Variants in UBE2V2 observed in about 807,000 individuals in gnomAD.
UBE2V2 encodes ubiquitin conjugating enzyme E2 V2, also known as ubiquitin-conjugating enzyme E2 variant 2.
Under a neutral mutation model 17.2 loss-of-function variants are expected in UBE2V2, and 9 were observed. That is an observed-to-expected ratio of 0.52 (90% CI 0.32 to 0.91). UBE2V2 has a LOEUF of 0.91. UBE2V2 is among the 40% of genes least tolerant of loss of function. The pLI, the probability that UBE2V2 is intolerant of heterozygous loss-of-function variation, is 0.04. For synonymous variants in UBE2V2, 61 were observed against 57.5 expected, an observed-to-expected ratio of 1.06 and a Z score of -0.28; for missense variants, 133 against 182.6, an observed-to-expected ratio of 0.73 and a Z score of 1.56.
chr8:48,030,513 G>A (rs770078523), intron 1 of UBE2V2, among the ~76,000 whole-genome samples: 91 of 152,196 alleles, frequency 6.0e-4, no homozygotes, highest in Non-Finnish European at 1.2e-3. Context: ...TTGAGCCCAG[G>A]AGTTCGAGAC....
intron 1 of UBE2V2, among the ~76,000 whole-genome samples, chr8:48,015,677 C>G (rs1313926882): frequency 6.6e-6 from 1 of 152,074 alleles, no homozygotes; most frequent in Non-Finnish European, 1.5e-5. Flanking sequence ...CTCTGGTAAC[C>G]ACCATCTCCT....
chr8:47,998,912 G>A, the UBE2V2 span, among the ~76,000 whole-genome samples: 1 of 152,160 alleles, frequency 6.6e-6, no homozygotes, highest in Non-Finnish European at 1.5e-5. Context: ...AAAGTAGCTT[G>A]AGGGAGTTCT....
At chr8:48,016,711 A>T (rs1037625285) in intron 1 of UBE2V2, among the ~76,000 whole-genome samples, 4 of 148,424 alleles carry the variant, frequency 2.7e-5, no homozygotes, top group African/African-American at 1.0e-4. Flanking sequence ...CGAACTCCCA[A>T]CCTCAGGTGA....
chr8:48,042,275 AAC>A (rs2091468447), intron 1 of UBE2V2: 1 of 152,190 alleles, frequency 6.6e-6, no homozygotes, highest in African/African-American at 2.4e-5. Context: ...AAATCTCACA[AAC>A]ACATTAAAAA....
chr8:48,008,548 G>T (rs2154506518), intron 1 of UBE2V2, 78 bp downstream of exon 1: 2 of 1,498,482 alleles, frequency 1.3e-6, no homozygotes, highest in Non-Finnish European at 1.8e-6. Flanking sequence ...GCGCCCGAGC[G>T]CTGACCGTGC....
intron 1 of UBE2V2, among the ~76,000 whole-genome samples, chr8:48,028,866 C>A (rs1439615763): frequency 6.6e-6 from 1 of 152,094 alleles, no homozygotes; most frequent in Non-Finnish European, 1.5e-5. Context: ...GGATACAAGT[C>A]CTTTATCAGA....
chr8:48,053,994 G>A (rs1197316558), intron 3 of UBE2V2, among the ~76,000 whole-genome samples: 1 of 149,720 alleles, frequency 6.7e-6, no homozygotes, highest in Non-Finnish European at 1.5e-5. Flanking sequence ...TAGTAGAGAT[G>A]GGGTTTCACC....
intron 1 of UBE2V2, among the ~76,000 whole-genome samples, chr8:48,033,210 G>A (rs191346134): frequency 1.3e-5 from 2 of 151,570 alleles, no homozygotes; most frequent in Non-Finnish European, 2.9e-5. Flanking sequence ...TTCCTGAGAC[G>A]GTGTCTTTCT....
chr8:48,000,821 C>CAAA, the UBE2V2 span, among the ~76,000 whole-genome samples: 15 of 20,514 alleles, frequency 7.3e-4, no homozygotes, highest in South Asian at 1.8e-3. Context: ...GACTTTGCCT[C>CAAA]AAAAAAAAAA....
chr8:48,013,339 G>A (rs1222464846), intron 1 of UBE2V2, among the ~76,000 whole-genome samples: 2 of 145,406 alleles, frequency 1.4e-5, no homozygotes, highest in East Asian at 4.0e-4. Context: ...ATGAAGTCTC[G>A]CTCTGTGGCC....
intron 1 of UBE2V2, among the ~76,000 whole-genome samples, chr8:48,029,312 G>A (rs2091367350): frequency 1.3e-5 from 2 of 152,164 alleles, no homozygotes; most frequent in Admixed American, 1.3e-4. Flanking sequence ...CTGGGCAACA[G>A]AGTAAGACCC....
At chr8:48,047,897 G>A (rs920134409) in intron 2 of UBE2V2, among the ~76,000 whole-genome samples, 12 of 151,994 alleles carry the variant, frequency 7.9e-5, no homozygotes, top group African/African-American at 2.2e-4. Flanking sequence ...TCAGAAGTTA[G>A]GGTGATATTT....
chr8:48,029,144 G>A (rs972281326), intron 1 of UBE2V2, among the ~76,000 whole-genome samples: 6 of 151,672 alleles, frequency 4.0e-5, no homozygotes, highest in East Asian at 1.9e-4. Flanking sequence ...CCTGGGCAAC[G>A]TACCGAGATC....
intron 1 of UBE2V2, among the ~76,000 whole-genome samples, chr8:48,023,387 T>A (rs988168592): frequency 6.6e-6 from 1 of 151,958 alleles, no homozygotes; most frequent in Non-Finnish European, 1.5e-5. Context: ...AGCTGATTTT[T>A]GTATTTTTAG....
chr8:48,013,734 A>T (rs1298068412), intron 1 of UBE2V2, among the ~76,000 whole-genome samples: 1 of 152,228 alleles, frequency 6.6e-6, no homozygotes, highest in Non-Finnish European at 1.5e-5. Context: ...TTGATGAAAG[A>T]ATATGTTTTC....
At chr8:48,036,089 A>C (rs992528021) in intron 1 of UBE2V2, among the ~76,000 whole-genome samples, 2 of 151,298 alleles carry the variant, frequency 1.3e-5, no homozygotes, top group Admixed American at 1.3e-4. Flanking sequence ...GGAGCAGCTC[A>C]GACTACAGCT....
At chr8:48,053,259 CTT>C in intron 3 of UBE2V2, among the ~76,000 whole-genome samples, 1 of 152,184 alleles carries the variant, frequency 6.6e-6, no homozygotes, top group Middle Eastern at 3.4e-3. Context: ...TAGAGTCACT[CTT>C]ATTCTTTTGT....
At chr8:48,044,707 T>A (rs2091486620) in intron 2 of UBE2V2, among the ~76,000 whole-genome samples, 1 of 152,212 alleles carries the variant, frequency 6.6e-6, no homozygotes, top group Non-Finnish European at 1.5e-5. Flanking sequence ...TGATTTTCAC[T>A]GCCTGTGAAC....
At chr8:48,038,780 C>T (rs2091441775) in intron 1 of UBE2V2, among the ~76,000 whole-genome samples, 1 of 151,990 alleles carries the variant, frequency 6.6e-6, no homozygotes, top group South Asian at 2.1e-4. Flanking sequence ...CATGTCCAGC[C>T]ACCCAGCGAG....
Sources: gnomAD v4.1 joint callset for allele counts (sites outside exome capture counted in the v4.1 genomes callset) on GRCh38, gnomAD v4.1.1 for gene constraint, MANE v1.5 for transcripts, NCBI Gene and HGNC (gene_info 2026-07-23, HGNC 2026-07-21) for gene names.